The following CCDC181 variants were observed in gnomAD, a reference collection of about 807,000 sequenced individuals.
CCDC181 encodes the protein coiled-coil domain-containing protein 181.
CCDC181 carries 35 observed loss-of-function variants against 58.7 expected under a neutral mutation model. That is an observed-to-expected ratio of 0.60 (90% CI 0.46 to 0.79). The LOEUF is 0.79. Among genes scored for constraint, CCDC181 ranks in the 30% least tolerant of loss-of-function variants. The pLI, the probability that CCDC181 is intolerant of heterozygous loss-of-function variation, is 0.00. For synonymous variants in CCDC181, 183 were observed against 197.5 expected (o/e 0.93, Z 0.62); for missense variants, 517 against 583.9 (o/e 0.89, Z 1.18).
chr1:169,399,366 T>C (rs541423059), intron 4 of CCDC181, among the ~76,000 whole-genome samples: 19 of 152,328 alleles, frequency 1.2e-4, no homozygotes, highest in Admixed American at 3.3e-4. Flanking sequence ...ATTGAATGGA[T>C]AGTTTTATGT....
Position 169,397,298 on chromosome 1 carries a change from T to G in CCDC181, c.1309A>C (p.Lys437Gln). 1 of 1,611,820 alleles carries G rather than the reference T, an allele frequency of 6.2e-7. No homozygotes were observed. Among genetic ancestry groups the G allele is most frequent in the Non-Finnish European group, 8.5e-7 (1 of 1,178,964 alleles). The change falls in exon 5 of 6, where the codon AAG (lysine) becomes CAG (glutamine). Residue 437 changes from lysine to glutamine, a missense_variant. Transcript: ENST00000367806. ...MKERQTEELR[K>Q]QEECLFFLKG... Reference sequence around the variant, plus strand: ...AGGAAGAATAAACATTCCTCTTGCTTTCTTAGTTCTTCTGTCTGTCTTTCT... The same window carrying G: ...AGGAAGAATAAACATTCCTCTTGCTGTCTTAGTTCTTCTGTCTGTCTTTCT...
Position 169,437,159 on chromosome 1 carries a change from T to C in CCDC181, c.-23-12209A>G, listed in dbSNP as rs149780534. Among the ~76,000 whole-genome samples, 1,386 of 152,208 alleles carry C rather than the reference T, an allele frequency of 9.1e-3. 20 individuals are homozygous for C. Among genetic ancestry groups the C allele is most frequent in the African/African-American group, 0.031 (1,298 of 41,516 alleles). On this transcript the variant is annotated intron_variant, in intron 2 of 6. Transcript: ENST00000545005. ...AGATGTAATCATAGGGAGTCGAAGG[T>C]GTCTCCTTGCACTGAGTTCCTGGGT... is the stretch of plus-strand genomic sequence containing the variant.
At chr1:169,408,591 C>T (rs913912126) in intron 4 of CCDC181, among the ~76,000 whole-genome samples, 1 of 152,198 alleles carries the variant, frequency 6.6e-6, no homozygotes, top group African/African-American at 2.4e-5. Context: ...ACCCCCGCGC[C>T]TCCTGACTGG....
upstream of CCDC181, among the ~76,000 whole-genome samples, chr1:169,428,175 T>G (rs1190065720): frequency 6.6e-6 from 1 of 152,232 alleles, no homozygotes; most frequent in Non-Finnish European, 1.5e-5. Flanking sequence ...ATTAAATTTT[T>G]AGATATTCTT....
intron 4 of CCDC181, among the ~76,000 whole-genome samples, chr1:169,398,088 C>T (rs1270577149): frequency 6.6e-6 from 1 of 152,072 alleles, no homozygotes; most frequent in Admixed American, 6.6e-5. Flanking sequence ...GTGGAGAAGA[C>T]CCCTGGATCT....
chr1:169,404,783 C>T (rs149692479), intron 4 of CCDC181, among the ~76,000 whole-genome samples: 18,403 of 152,130 alleles, frequency 0.12, 1,173 homozygotes, highest in Admixed American at 0.14. Flanking sequence ...CACTCCTATT[C>T]AACATAGTGT....
chr1:169,418,686 T>G, intron 4 of CCDC181: 1 of 343,124 alleles, frequency 2.9e-6, no homozygotes, highest in Non-Finnish European at 5.2e-6. Context: ...TAGTCTTAAG[T>G]GAGACCAGTC....
At chr1:169,399,551 T>C (rs1489432327) in intron 4 of CCDC181, among the ~76,000 whole-genome samples, 4 of 152,028 alleles carry the variant, frequency 2.6e-5, no homozygotes, top group Admixed American at 2.6e-4. Context: ...CTCTCAATAG[T>C]GGAGGGAACC....
intron 4 of CCDC181, among the ~76,000 whole-genome samples, chr1:169,411,218 T>G (rs1215784249): frequency 6.6e-6 from 1 of 151,970 alleles, no homozygotes; most frequent in Non-Finnish European, 1.5e-5. Context: ...CACCACTGAT[T>G]TCACAGAAAT....
At chr1:169,457,956 T>C (rs1657723397) in intron 2 of CCDC181, among the ~76,000 whole-genome samples, 1 of 152,130 alleles carries the variant, frequency 6.6e-6, no homozygotes, top group Non-Finnish European at 1.5e-5. Context: ...ATTTAGACAA[T>C]AGTTTGAACA....
chr1:169,398,324 G>A (rs1655163240), intron 4 of CCDC181, among the ~76,000 whole-genome samples: 1 of 152,156 alleles, frequency 6.6e-6, no homozygotes, highest in Non-Finnish European at 1.5e-5. Context: ...GAAATGACAA[G>A]TGTTTGAGGT....
intron 2 of CCDC181, among the ~76,000 whole-genome samples, chr1:169,433,021 G>C (rs1229413024): frequency 2.0e-5 from 3 of 151,950 alleles, no homozygotes; most frequent in Admixed American, 2.0e-4. Flanking sequence ...GAAATATAAG[G>C]CAGCCAGATT....
In CCDC181 at chr1:169,413,132, A is replaced by G. The variant is rs574337315; in HGVS notation, c.1215+5881T>C. On this transcript the variant is annotated intron_variant, in intron 4 of 5. Coordinates refer to ENST00000367806, the MANE Select transcript of CCDC181 (RefSeq NM_001300969.2). Reference sequence around the variant, plus strand: ...ATTTTTGCAATCTATCCACTAGACAAAGGGCTAATATCCAGAATCTACAAG... The same window carrying G: ...ATTTTTGCAATCTATCCACTAGACAGAGGGCTAATATCCAGAATCTACAAG... Among the ~76,000 whole-genome samples, 52 of 152,322 alleles carry G rather than the reference A, an allele frequency of 3.4e-4. No homozygotes were observed. The South Asian group carries it at 0.011, about 31-fold the overall frequency.
intron 4 of CCDC181, among the ~76,000 whole-genome samples, chr1:169,417,951 A>G (rs1222494663): frequency 1.3e-5 from 2 of 152,196 alleles, no homozygotes; most frequent in African/African-American, 4.8e-5. Flanking sequence ...AAGCATGTAT[A>G]TTATTAATTT....
At chr1:169,399,478 T>C (rs1292147474) in intron 4 of CCDC181, among the ~76,000 whole-genome samples, 7 of 152,234 alleles carry the variant, frequency 4.6e-5, no homozygotes, top group African/African-American at 1.7e-4. Flanking sequence ...AGCAGAACTA[T>C]CATCAGAATG....
At chr1:169,415,859 C>T (rs1192269168) in intron 4 of CCDC181, among the ~76,000 whole-genome samples, 1 of 152,134 alleles carries the variant, frequency 6.6e-6, no homozygotes, top group Admixed American at 6.5e-5. Flanking sequence ...TTTCTATGGC[C>T]ATATCCTCAT....
chr1:169,458,169 A>ATTT (rs1397141241), intron 2 of CCDC181, among the ~76,000 whole-genome samples: 9 of 110,162 alleles, frequency 8.2e-5, no homozygotes, highest in East Asian at 1.5e-3. Flanking sequence ...GGCAAAAGTA[A>ATTT]TTTTTGTTTT....
intron 2 of CCDC181, 53 bp downstream of exon 2, chr1:169,424,758 A>T: frequency 9.6e-7 from 1 of 1,036,976 alleles, no homozygotes; most frequent in Non-Finnish European, 1.4e-6. Context: ...ACCTTAAAGA[A>T]TTGCAAAGCA....
At position 169,421,450 on chromosome 1, in the gene CCDC181, T is replaced by C. The variant is rs755385448; in HGVS notation, c.981A>G (p.Ser327=). The change falls in exon 3 of 6, where the codon TCA becomes TCG. Residue 327 remains serine, a synonymous_variant. Coordinates refer to ENST00000367806, the MANE Select transcript of CCDC181 (RefSeq NM_001300969.2). ...SNHRTQSAHI[S]PVTSTYCLSP... ...AAAGACAGTATGTTGAAGTCACTGGTGAGATATGTGCAGACTGTGTCCTGT... is the reference window on the plus strand; with the variant it reads ...AAAGACAGTATGTTGAAGTCACTGGCGAGATATGTGCAGACTGTGTCCTGT... 3 of 1,613,520 alleles carry C rather than the reference T, an allele frequency of 1.9e-6. No individual in the cohort carries two copies. The highest frequency in any genetic ancestry group is 2.2e-5 in the East Asian group (1 of 44,880).
Sources: gnomAD v4.1 joint callset for allele counts (sites outside exome capture counted in the v4.1 genomes callset) on GRCh38, gnomAD v4.1.1 for gene constraint, MANE v1.5 for transcripts, NCBI Gene and HGNC (gene_info 2026-07-23, HGNC 2026-07-21) for gene names.